The following CDC37L1 variants were observed in gnomAD, a reference collection of about 807,000 sequenced individuals.
CDC37L1 encodes the protein cell division cycle 37 like 1, HSP90 cochaperone.
In CDC37L1, 32 loss-of-function variants were observed where a neutral mutation model predicts 45.9. That is an observed-to-expected ratio of 0.70 (90% CI 0.53 to 0.94). The LOEUF is 0.94. Ranked by LOEUF, CDC37L1 falls within the 40% of genes least tolerant of loss-of-function variation. The probability of loss-of-function intolerance (pLI) is 0.00; values close to 1 mark genes in which losing one functional copy is unlikely to be tolerated. For missense variants in CDC37L1, 434 were observed against 405.7 expected, an observed-to-expected ratio of 1.07 and a Z score of -0.60; for synonymous variants, 150 against 133.0, an observed-to-expected ratio of 1.13 and a Z score of -0.88.
intron 5 of CDC37L1, among the ~76,000 whole-genome samples, chr9:4,698,916 C>T (rs1350962041): frequency 6.8e-6 from 1 of 147,930 alleles, no homozygotes; most frequent in African/African-American, 2.6e-5. Flanking sequence ...GCTCTCTTCT[C>T]ACTAAATTTT....
Position 4,679,616 on chromosome 9 carries a change from A to C in CDC37L1, c.-152A>C, listed in dbSNP as rs957091338. On this transcript the variant is annotated 5_prime_UTR_variant, in exon 1 of 7. Transcript: ENST00000381854. ...AGGCCCAGGCTGTCGCCGGGTGTGCAGCGGCGTCGCGGCCAGTAGAGGGAT... is the reference window on the plus strand; with the variant it reads ...AGGCCCAGGCTGTCGCCGGGTGTGCCGCGGCGTCGCGGCCAGTAGAGGGAT... The C allele has an allele frequency of 4.6e-6, 3 of 650,190 alleles. No individual in the cohort carries two copies. The highest frequency in any genetic ancestry group is 1.9e-5 in the African/African-American group (1 of 53,188). 40.3% of individuals were successfully genotyped at this position (650,190 alleles called of 1,614,324 possible).
intron 6 of CDC37L1, among the ~76,000 whole-genome samples, chr9:4,702,355 C>G (rs1289539279): frequency 6.6e-6 from 1 of 152,146 alleles, no homozygotes; most frequent in African/African-American, 2.4e-5. Flanking sequence ...AACATCTCAT[C>G]CTGAGTTAAA....
chr9:4,704,911 G>T (rs965891800), intron 6 of CDC37L1, among the ~76,000 whole-genome samples: 1 of 152,054 alleles, frequency 6.6e-6, no homozygotes, highest in South Asian at 2.1e-4. Flanking sequence ...TCTCCTTGAG[G>T]CTTGCTTTAC....
intron 3 of CDC37L1, among the ~76,000 whole-genome samples, chr9:4,693,583 G>A (rs1337144508): frequency 6.6e-6 from 1 of 152,102 alleles, no homozygotes; most frequent in Non-Finnish European, 1.5e-5. Flanking sequence ...GGTTGATGAT[G>A]GATTGAGATT....
At chr9:4,696,453 G>C (rs1343682485) in intron 3 of CDC37L1, among the ~76,000 whole-genome samples, 4 of 151,406 alleles carry the variant, frequency 2.6e-5, no homozygotes, top group Admixed American at 2.6e-4. Flanking sequence ...AGACCAGCCT[G>C]AGCAACATAA....
chr9:4,703,715 A>G (rs570821352), intron 6 of CDC37L1, among the ~76,000 whole-genome samples: 8 of 152,336 alleles, frequency 5.3e-5, no homozygotes, highest in Admixed American at 3.9e-4. Context: ...TCTTAAGCCT[A>G]TATTATCAAG....
chr9:4,679,746 G>A lies in CDC37L1; in HGVS notation c.-22G>A. 1.9e-6 allele frequency: 3 copies of A among 1,603,698 alleles called. No individual in the cohort carries two copies. Among genetic ancestry groups the A allele is most frequent in the Non-Finnish European group, 2.6e-6 (3 of 1,173,936 alleles). Reference sequence around the variant, plus strand: ...GGCAGTTGTAGGGCCAAGGGCGGTTGTAGGACCCGGAGCAGCCGGACATGG... The same window carrying A: ...GGCAGTTGTAGGGCCAAGGGCGGTTATAGGACCCGGAGCAGCCGGACATGG... On this transcript the variant is annotated 5_prime_UTR_variant, in exon 1 of 7. Coordinates refer to ENST00000381854, the MANE Select transcript of CDC37L1 (RefSeq NM_017913.4).
chr9:4,703,538 A>G (rs1283926142), intron 6 of CDC37L1, among the ~76,000 whole-genome samples: 1 of 152,198 alleles, frequency 6.6e-6, no homozygotes, highest in African/African-American at 2.4e-5. Context: ...GAAATAGCCC[A>G]TAGGGAAGTA....
chr9:4,702,888 C>CAAAAA (rs397829063), intron 6 of CDC37L1, among the ~76,000 whole-genome samples: 4 of 42,956 alleles, frequency 9.3e-5, no homozygotes, highest in South Asian at 1.1e-3. Flanking sequence ...GACTCCGTCT[C>CAAAAA]AAAAAAAAAA....
At position 4,688,622 on chromosome 9, in the gene CDC37L1, G is replaced by T; in HGVS notation, c.508+16G>T. ...AGACATTTTGGTAAGTCTACTACTT[G>T]GATTTCCTTCTTTGTAATGTTTGGT... On this transcript the variant is annotated intron_variant, in intron 3 of 6. Coordinates refer to ENST00000381854, the MANE Select transcript of CDC37L1 (RefSeq NM_017913.4). 1 of 1,422,726 alleles carries T rather than the reference G, an allele frequency of 7.0e-7. No homozygotes were observed. Among genetic ancestry groups the T allele is most frequent in the Non-Finnish European group, 9.5e-7 (1 of 1,047,386 alleles). The allele number at this position is 1,422,726 out of a possible 1,614,324, so 88.1% of individuals were successfully genotyped here.
In CDC37L1 at chr9:4,679,570, T is replaced by C. The variant is rs918273887; in HGVS notation, c.-198T>C. On this transcript the variant is annotated 5_prime_UTR_variant, in exon 1 of 7. Transcript: ENST00000381854. ...AGTGACGCACCGCGCCGACTATTTC[T>C]TCCGCCGTCCGCCGGTGGCGAGGCC... 5 of 516,662 alleles carry C rather than the reference T, an allele frequency of 9.7e-6. No individual in the cohort carries two copies. Among genetic ancestry groups the C allele is most frequent in the South Asian group, 2.9e-5 (1 of 34,146 alleles). 32.0% of individuals were successfully genotyped at this position (516,662 alleles called of 1,614,324 possible).
Position 4,679,595 on chromosome 9 carries a change from C to G in CDC37L1, c.-173C>G. ...TTCCGCCGTCCGCCGGTGGCGAGGCCCAGGCTGTCGCCGGGTGTGCAGCGG... is the reference window on the plus strand; with the variant it reads ...TTCCGCCGTCCGCCGGTGGCGAGGCGCAGGCTGTCGCCGGGTGTGCAGCGG... On this transcript the variant is annotated 5_prime_UTR_variant, in exon 1 of 7. Transcript: ENST00000381854. The G allele has an allele frequency of 1.8e-6, 1 of 570,342 alleles. No homozygotes were observed. The allele number at this position is 570,342 out of a possible 1,614,324, so 35.3% of individuals were successfully genotyped here. A position where few individuals can be genotyped will look rare whatever the true frequency, so the allele number is the denominator to read the frequency against.
At chr9:4,695,577 C>G (rs1841340098) in intron 3 of CDC37L1, among the ~76,000 whole-genome samples, 1 of 152,152 alleles carries the variant, frequency 6.6e-6, no homozygotes, top group African/African-American at 2.4e-5. Context: ...TCTGCAGCCT[C>G]TAGCTCCTAG....
chr9:4,701,425 G>C (rs887447557), intron 5 of CDC37L1, among the ~76,000 whole-genome samples: 2 of 152,166 alleles, frequency 1.3e-5, no homozygotes, highest in African/African-American at 4.8e-5. Context: ...CTAGGAACAG[G>C]TAATAGTGCC....
chr9:4,702,068 A>C (rs1158966626), intron 6 of CDC37L1, 40 bp downstream of exon 6: 2 of 1,097,074 alleles, frequency 1.8e-6, no homozygotes, highest in South Asian at 5.0e-5. Flanking sequence ...TAAGCCTATT[A>C]ATTCACATAA....
At chr9:4,697,433 T>C (rs917159342) in intron 4 of CDC37L1, among the ~76,000 whole-genome samples, 1 of 152,172 alleles carries the variant, frequency 6.6e-6, no homozygotes, top group East Asian at 1.9e-4. Context: ...TCCACTATGC[T>C]TTCTCTGCCA....
chr9:4,698,301 C>G (rs750310710), intron 5 of CDC37L1, among the ~76,000 whole-genome samples: 31 of 151,210 alleles, frequency 2.1e-4, no homozygotes, highest in Non-Finnish European at 3.1e-4. Context: ...TAGGAAGCAA[C>G]CTAAAAATTC....
intron 2 of CDC37L1, among the ~76,000 whole-genome samples, chr9:4,687,051 G>C (rs772419649): frequency 5.9e-5 from 9 of 152,116 alleles, no homozygotes; most frequent in Admixed American, 1.3e-4. Context: ...TTGTGACTTG[G>C]ATTGTATTTC....
chr9:4,699,688 A>G (rs1432241119), intron 5 of CDC37L1, among the ~76,000 whole-genome samples: 1 of 152,218 alleles, frequency 6.6e-6, no homozygotes, highest in Non-Finnish European at 1.5e-5. Flanking sequence ...AAAAGTTACA[A>G]TAATGATAAC....
Sources: allele counts gnomAD v4.1 joint callset (sites outside exome capture counted in the v4.1 genomes callset), GRCh38; gene constraint gnomAD v4.1.1; transcripts MANE v1.5; gene names NCBI Gene and HGNC (gene_info 2026-07-23, HGNC 2026-07-21).